WIPF1: variants seen among roughly 807,000 people sequenced by gnomAD.
WIPF1 encodes the protein WAS/WASL-interacting protein family member 1.
WIPF1 carries 13 observed loss-of-function variants against 35.4 expected under a neutral mutation model. That is an observed-to-expected ratio of 0.37 (90% CI 0.24 to 0.58). The LOEUF (loss-of-function observed/expected upper bound fraction) is 0.58. Among genes scored for constraint, WIPF1 ranks in the 20% least tolerant of loss-of-function variants. The pLI, the probability that WIPF1 is intolerant of heterozygous loss-of-function variation, is 0.74. For missense variants in WIPF1, 591 were observed against 667.0 expected (o/e 0.89, Z 1.25); for synonymous variants, 267 against 266.3 (o/e 1.00, Z -0.02).
intron 3 of WIPF1, among the ~76,000 whole-genome samples, chr2:174,576,664 A>G (rs1258116075): frequency 1.3e-5 from 2 of 152,224 alleles, no homozygotes; most frequent in African/African-American, 4.8e-5. Flanking sequence ...CAAAAAGATT[A>G]CTGAGTATTC....
intron 1 of WIPF1, among the ~76,000 whole-genome samples, chr2:174,629,113 T>A (rs1456964144): frequency 6.6e-6 from 1 of 152,160 alleles, no homozygotes. Flanking sequence ...ATAGAGAGGC[T>A]GAGGCAGGAG....
Position 174,571,255 on chromosome 2 carries a change from G to C in WIPF1, c.1129+421C>G. On this transcript the variant is annotated intron_variant, in intron 5 of 7. Coordinates refer to ENST00000679041, the MANE Select transcript of WIPF1 (RefSeq NM_001375834.1). The surrounding 1 kb of genome is among the most constrained non-coding windows in gnomAD (Gnocchi z 4.6). Reference sequence around the variant, plus strand: ...AGAGAAGTACAGGAGAAGTTCATTAGCTCTTGAAGAACTTCCCCTCTTGTT... The same window carrying C: ...AGAGAAGTACAGGAGAAGTTCATTACCTCTTGAAGAACTTCCCCTCTTGTT... 2.6e-6 allele frequency: 1 copy of C among 378,674 alleles called. No individual in the cohort carries two copies. The highest frequency in any genetic ancestry group is 4.8e-6 in the Non-Finnish European group (1 of 209,378). 23.5% of individuals were successfully genotyped at this position (378,674 alleles called of 1,614,324 possible). A position where few individuals can be genotyped will look rare whatever the true frequency, so the allele number is the denominator to read the frequency against.
At chr2:174,615,430 T>C (rs749613924) in intron 1 of WIPF1, among the ~76,000 whole-genome samples, 19 of 152,192 alleles carry the variant, frequency 1.2e-4, no homozygotes, top group Non-Finnish European at 2.2e-4. Context: ...TTTTCCTTAG[T>C]GTAGGCATAA....
At chr2:174,613,250 T>A (rs1242870285) in intron 1 of WIPF1, among the ~76,000 whole-genome samples, 1 of 152,236 alleles carries the variant, frequency 6.6e-6, no homozygotes, top group Non-Finnish European at 1.5e-5. Context: ...AAGGTGTAAT[T>A]TAGGCTGACC....
chr2:174,578,719 G>A (rs1481651621), intron 3 of WIPF1, among the ~76,000 whole-genome samples: 1 of 152,142 alleles, frequency 6.6e-6, no homozygotes, highest in African/African-American at 2.4e-5. Flanking sequence ...TTTTCTAGAT[G>A]TGGAGCTTTC....
intron 1 of WIPF1, among the ~76,000 whole-genome samples, chr2:174,680,166 A>C (rs1688218190): frequency 6.6e-6 from 1 of 152,226 alleles, no homozygotes; most frequent in Admixed American, 6.5e-5. Flanking sequence ...TCTACCAGAA[A>C]GTAAGCATTC....
intron 2 of WIPF1, among the ~76,000 whole-genome samples, chr2:174,583,589 G>A (rs1383564456): frequency 2.6e-5 from 4 of 152,074 alleles, no homozygotes; most frequent in East Asian, 3.9e-4. Flanking sequence ...AGGTAACAAC[G>A]GATAGAAATG....
Position 174,607,769 on chromosome 2 carries a change from C to T in WIPF1, c.-38-22158G>A, listed in dbSNP as rs79599226. ...AGTATTTGTGCCTGATCTGCTCTTCCCACCAGAGAGGCAGCTCCACGAGGG... is the reference window on the plus strand; with the variant it reads ...AGTATTTGTGCCTGATCTGCTCTTCTCACCAGAGAGGCAGCTCCACGAGGG... On this transcript the variant is annotated intron_variant, in intron 1 of 8. Transcript: ENST00000272746. Among the ~76,000 whole-genome samples, 6 of 152,244 alleles carry T rather than the reference C, an allele frequency of 3.9e-5. No homozygotes were observed. The East Asian group carries it at 1.2e-3, about 30-fold the overall frequency.
At chr2:174,585,462 A>C (rs1423468268) in intron 2 of WIPF1, 61 bp downstream of exon 2, 1 of 1,293,140 alleles carries the variant, frequency 7.7e-7, no homozygotes, top group African/African-American at 1.6e-5. Flanking sequence ...CATGCACGCC[A>C]GGTTTTGGCT....
intron 1 of WIPF1, among the ~76,000 whole-genome samples, chr2:174,682,018 A>T (rs916886522): frequency 5.3e-5 from 8 of 152,232 alleles, no homozygotes; most frequent in Non-Finnish European, 1.2e-4. Context: ...TTACACTCAC[A>T]ACGCTAACAG....
At chr2:174,623,876 C>G (rs182214724) in intron 1 of WIPF1, among the ~76,000 whole-genome samples, 1 of 152,136 alleles carries the variant, frequency 6.6e-6, no homozygotes, top group Non-Finnish European at 1.5e-5. Context: ...AATATTAACA[C>G]AGAAAAAACC....
intron 1 of WIPF1, among the ~76,000 whole-genome samples, chr2:174,616,385 G>A (rs1686506449): frequency 6.6e-6 from 1 of 152,102 alleles, no homozygotes; most frequent in Non-Finnish European, 1.5e-5. Context: ...GAGACAGGGA[G>A]GCCTCGACCC....
At chr2:174,627,605 A>T (rs369228476) in intron 1 of WIPF1, among the ~76,000 whole-genome samples, 1 of 143,768 alleles carries the variant, frequency 7.0e-6, no homozygotes, top group Admixed American at 7.3e-5. Context: ...CAGTGGTGTG[A>T]TCATGGCTCA....
chr2:174,601,102 T>G (rs977575920), upstream of WIPF1, among the ~76,000 whole-genome samples: 2 of 151,864 alleles, frequency 1.3e-5, no homozygotes, highest in Admixed American at 6.6e-5. Context: ...TTTTTTTGTA[T>G]TTTTAGTAGA....
At chr2:174,568,448 G>T (rs1255616815) in intron 5 of WIPF1, among the ~76,000 whole-genome samples, 2 of 152,156 alleles carry the variant, frequency 1.3e-5, no homozygotes, top group Non-Finnish European at 1.5e-5. Context: ...CATGATGAAA[G>T]AATTTTTTTA....
intron 3 of WIPF1, among the ~76,000 whole-genome samples, chr2:174,576,710 A>G (rs1685076402): frequency 6.6e-6 from 1 of 152,190 alleles, no homozygotes; most frequent in Non-Finnish European, 1.5e-5. Context: ...ATTGTCTTTG[A>G]GCCACAGTAT....
At chr2:174,645,186 T>C (rs1346503445) in intron 1 of WIPF1, among the ~76,000 whole-genome samples, 2 of 152,256 alleles carry the variant, frequency 1.3e-5, no homozygotes, top group Non-Finnish European at 2.9e-5. Flanking sequence ...AAAATCAATT[T>C]AGCTTAAACA....
rs1317110159 is a variant in WIPF1, at chr2:174,567,913, T to G, written c.1290A>C (p.Pro430=). ...TTCTAATAGATGTTGATGGTGGAGG[T>G]GGGGGAGGTGCCCCAGCACTGGGCC... ...PDRPSAGAPP[P]PPPSTSIRNG... Residue 430 remains proline, a synonymous_variant, in exon 6 of 8, where the codon CCA becomes CCC. Transcript: ENST00000679041. The G allele has an allele frequency of 6.2e-7, 1 of 1,611,980 alleles. No homozygotes were observed. Among genetic ancestry groups the G allele is most frequent in the African/African-American group, 1.3e-5 (1 of 74,908 alleles).
rs572977613 is a variant in WIPF1, at chr2:174,622,605, C to T, written c.-38-36994G>A. 2.6e-5 allele frequency among the ~76,000 whole-genome samples: 4 copies of T among 152,162 alleles called. No individual in the cohort carries two copies. Among genetic ancestry groups the T allele is most frequent in the African/African-American group, 7.2e-5 (3 of 41,442 alleles). On this transcript the variant is annotated intron_variant, in intron 1 of 8. Coordinates refer to the WIPF1 transcript ENST00000272746. The surrounding 1 kb of genome is among the most constrained non-coding windows in gnomAD (Gnocchi z 5.1). The stretch of plus-strand genomic sequence containing the variant: ...GTGGGGTGCGCCTATCCTAACTCAC[C>T]GAATCCCCACTCTCCTATGAGCAGG...
Sources: allele counts gnomAD v4.1 joint callset (sites outside exome capture counted in the v4.1 genomes callset), GRCh38; gene constraint gnomAD v4.1.1; non-coding constraint Gnocchi (gnomAD v3.1); transcripts MANE v1.5; gene names NCBI Gene and HGNC (gene_info 2026-07-23, HGNC 2026-07-21).